The following ZEB1 variants were observed in gnomAD, a reference collection of about 807,000 sequenced individuals.
The protein encoded by ZEB1 is zinc finger E-box-binding homeobox 1.
A neutral mutation model predicts 84.9 loss-of-function variants in ZEB1; 21 were observed. The ratio of observed to expected loss-of-function variants is 0.25; its 90% CI spans 0.18 to 0.36. The LOEUF is 0.36. Ranked by LOEUF, ZEB1 falls within the 10% of genes least tolerant of loss-of-function variation. The probability of loss-of-function intolerance (pLI) is 1.00; values close to 1 mark genes in which losing one functional copy is unlikely to be tolerated. For missense variants in ZEB1, 1,104 were observed against 1,330.2 expected (o/e 0.83, Z 2.65); for synonymous variants, 420 against 471.1 (o/e 0.89, Z 1.41).
intron 2 of ZEB1, among the ~76,000 whole-genome samples, chr10:31,464,706 A>C (rs1323473759): frequency 1.3e-5 from 2 of 152,218 alleles, no homozygotes; most frequent in Non-Finnish European, 2.9e-5. Context: ...CCTGTCAAGC[A>C]AGGAGAAAGT....
chr10:31,527,387 A>G lies in ZEB1; in HGVS notation c.*123A>G, dbSNP rs2073691467. On this transcript the variant is annotated 3_prime_UTR_variant, in exon 9 of 9. Transcript: ENST00000424869. ...TTCCTGTTCACTACTGTGTAAAGTA[A>G]AAACTAAAAAAATACAAAATACAAA... is the stretch of plus-strand genomic sequence containing the variant. 1 of 1,211,938 alleles carries G rather than the reference A, an allele frequency of 8.3e-7. No homozygotes were observed. The highest frequency in any genetic ancestry group is 1.5e-5 in the African/African-American group (1 of 65,212). 75.1% of individuals were successfully genotyped at this position (1,211,938 alleles called of 1,614,324 possible). A position where few individuals can be genotyped will look rare whatever the true frequency, so the allele number is the denominator to read the frequency against.
chr10:31,391,686 A>T (rs2049767309), intron 1 of ZEB1, among the ~76,000 whole-genome samples: 1 of 152,194 alleles, frequency 6.6e-6, no homozygotes, highest in Non-Finnish European at 1.5e-5. Flanking sequence ...CTCAAGACTG[A>T]CTTCCTTTTG....
At chr10:31,449,463 T>A (rs180795277) in intron 1 of ZEB1, among the ~76,000 whole-genome samples, 1 of 152,190 alleles carries the variant, frequency 6.6e-6, no homozygotes, top group Non-Finnish European at 1.5e-5. Flanking sequence ...CTAATACTTT[T>A]ATGGTTTCAG....
chr10:31,517,758 A>G (rs2071425283), intron 6 of ZEB1, among the ~76,000 whole-genome samples: 2 of 151,898 alleles, frequency 1.3e-5, no homozygotes, highest in South Asian at 4.1e-4. Context: ...AATTTTTAAC[A>G]ATAATAATGA....
rs541725792 is a variant in ZEB1, at chr10:31,321,537, G to A, written c.58+2245G>A. ...GCTGATGTGGCTTTATGAAAGGTAA[G>A]TTGGTTCGGAAAGAGCTGTTCGCTT... is the stretch of plus-strand genomic sequence containing the variant. On this transcript the variant is annotated intron_variant, in intron 1 of 8. Coordinates refer to ENST00000424869, the MANE Select transcript of ZEB1 (RefSeq NM_001174096.2). 11 of 1,614,038 alleles carry A rather than the reference G, an allele frequency of 6.8e-6. No individual in the cohort carries two copies. The Admixed American group carries it at 1.5e-4, about 22-fold the overall frequency.
chr10:31,452,822 A>G (rs548609841), intron 1 of ZEB1, among the ~76,000 whole-genome samples: 2 of 151,586 alleles, frequency 1.3e-5, no homozygotes, highest in Admixed American at 1.3e-4. Flanking sequence ...GGATGGAAAC[A>G]CTTGGTCAGT....
At chr10:31,522,237 G>A (rs541250047) in intron 7 of ZEB1, among the ~76,000 whole-genome samples, 2 of 152,240 alleles carry the variant, frequency 1.3e-5, no homozygotes, top group Admixed American at 6.5e-5. Context: ...TGAAATACTC[G>A]CTAATTGGGT....
chr10:31,406,349 G>C (rs1227178729), intron 1 of ZEB1, among the ~76,000 whole-genome samples: 1 of 152,028 alleles, frequency 6.6e-6, no homozygotes, highest in Non-Finnish European at 1.5e-5. Context: ...ATCCTCTCCA[G>C]CATCTGTTGT....
At chr10:31,379,561 G>A (rs933861060) in intron 1 of ZEB1, among the ~76,000 whole-genome samples, 1 of 151,916 alleles carries the variant, frequency 6.6e-6, no homozygotes, top group East Asian at 1.9e-4. Context: ...GGGTCAATCT[G>A]TGCCAGTCAC....
At chr10:31,476,135 C>CA (rs113957051) in intron 2 of ZEB1, among the ~76,000 whole-genome samples, 2,663 of 147,062 alleles carry the variant, frequency 0.018, 62 homozygotes, top group African/African-American at 0.061. Flanking sequence ...AGATTGAGAC[C>CA]AAAAAAAAAT....
intron 1 of ZEB1, among the ~76,000 whole-genome samples, chr10:31,343,950 GT>G (rs2039844428): frequency 6.6e-6 from 1 of 152,194 alleles, no homozygotes; most frequent in African/African-American, 2.4e-5. Context: ...TAATCCCCAC[GT>G]TTTTCTTTTT....
chr10:31,393,511 A>G (rs1203452228), intron 1 of ZEB1, among the ~76,000 whole-genome samples: 1 of 151,564 alleles, frequency 6.6e-6, no homozygotes, highest in Non-Finnish European at 1.5e-5. Context: ...AATATTTGTA[A>G]ATAGTTTTTT....
At chr10:31,514,913 C>A (rs137920823) in intron 6 of ZEB1, among the ~76,000 whole-genome samples, 1 of 152,000 alleles carries the variant, frequency 6.6e-6, no homozygotes, top group Non-Finnish European at 1.5e-5. Context: ...TATAGTATGA[C>A]ATACTCCAGA....
upstream of ZEB1, chr10:31,318,662 C>G (rs1156686338): frequency 6.2e-6 from 1 of 161,314 alleles, no homozygotes; most frequent in Non-Finnish European, 1.4e-5. Context: ...CCGGGGAGTC[C>G]AGACCGCGAT....
intron 2 of ZEB1, among the ~76,000 whole-genome samples, chr10:31,482,608 G>A (rs1164531922): frequency 6.6e-6 from 1 of 151,758 alleles, no homozygotes; most frequent in African/African-American, 2.4e-5. Flanking sequence ...TTCTCTTTAG[G>A]GGATACTGGT....
At chr10:31,453,302 A>G (rs929053557) in intron 1 of ZEB1, among the ~76,000 whole-genome samples, 12 of 152,242 alleles carry the variant, frequency 7.9e-5, no homozygotes, top group Admixed American at 3.9e-4. Flanking sequence ...GAAGCCCTCA[A>G]AGTTAATCTT....
At chr10:31,461,870 C>T (rs2061859378) in intron 2 of ZEB1, among the ~76,000 whole-genome samples, 1 of 152,088 alleles carries the variant, frequency 6.6e-6, no homozygotes. Context: ...TCTAAAATTT[C>T]TTCTTTCTAC....
chr10:31,425,914 A>G (rs1184781127), intron 1 of ZEB1, among the ~76,000 whole-genome samples: 7 of 152,206 alleles, frequency 4.6e-5, no homozygotes, highest in Non-Finnish European at 8.8e-5. Flanking sequence ...ATGCATACAT[A>G]TAAATAGCCC....
intron 8 of ZEB1, among the ~76,000 whole-genome samples, chr10:31,524,537 T>A (rs1272431766): frequency 6.6e-6 from 1 of 152,154 alleles, no homozygotes. Flanking sequence ...TTTTTACTTA[T>A]CTGATCTGGC....
Sources: gnomAD v4.1 joint callset for allele counts (sites outside exome capture counted in the v4.1 genomes callset) on GRCh38, gnomAD v4.1.1 for gene constraint, MANE v1.5 for transcripts, NCBI Gene and HGNC (gene_info 2026-07-23, HGNC 2026-07-21) for gene names.